Variants in P2RX3 observed in about 807,000 individuals in gnomAD.
The protein encoded by P2RX3 is purinergic receptor P2X 3.
In P2RX3, 41 loss-of-function variants were observed where a neutral mutation model predicts 51.5. The ratio of observed to expected loss-of-function variants is 0.80; its 90% CI spans 0.62 to 1.03. P2RX3 has a LOEUF of 1.03. Ranked by LOEUF, P2RX3 falls within the 50% of genes least tolerant of loss-of-function variation. The probability of loss-of-function intolerance (pLI) is 0.00; values close to 1 mark genes in which losing one functional copy is unlikely to be tolerated. For missense variants in P2RX3, 459 were observed against 522.1 expected (o/e 0.88, Z 1.18); for synonymous variants, 185 against 191.6 (o/e 0.97, Z 0.29).
chr11:57,337,120 C>A (rs111969336), upstream of P2RX3, among the ~76,000 whole-genome samples: 1 of 151,466 alleles, frequency 6.6e-6, no homozygotes, highest in South Asian at 2.1e-4. Flanking sequence ...GGTGAAGCCC[C>A]GTCTCTATTA....
At chr11:57,337,924 T>G (rs1057319572), upstream of P2RX3, among the ~76,000 whole-genome samples, 1 of 152,250 alleles carries the variant, frequency 6.6e-6, no homozygotes, top group Non-Finnish European at 1.5e-5. Context: ...GTTAGAAATA[T>G]GTGACTCTTT....
In P2RX3 at chr11:57,348,621, C is replaced by T; in HGVS notation, c.486-6C>T. The T allele has an allele frequency of 6.2e-6, 10 of 1,611,450 alleles. No homozygotes were observed. Among genetic ancestry groups the T allele is most frequent in the Non-Finnish European group, 8.5e-6 (10 of 1,177,688 alleles). ...GAAAGCTAAGGCCTCCTGTGCTCAC[C>T]CACAGGCCCATCATGATGGAAGCTG... On this transcript the variant is annotated splice_polypyrimidine_tract_variant and splice_region_variant and intron_variant, in intron 5 of 11. Coordinates refer to ENST00000263314, the MANE Select transcript of P2RX3 (RefSeq NM_002559.5).
chr11:57,367,073 C>CAAAACTGCTCTATAAATG lies in P2RX3; in HGVS notation c.843-935_843-918dup, dbSNP rs543592766. Among the ~76,000 whole-genome samples the CAAAACTGCTCTATAAATG allele has an allele frequency of 4.4e-3, 670 of 152,348 alleles. 4 individuals are homozygous for CAAAACTGCTCTATAAATG. Among genetic ancestry groups the CAAAACTGCTCTATAAATG allele is most frequent in the Non-Finnish European group, 6.9e-3 (469 of 68,036 alleles). On this transcript the variant is annotated intron_variant, in intron 8 of 11. Transcript: ENST00000263314. ...AGACGAATAGTCTGAAAGCACCTTT[C>CAAAACTGCTCTATAAATG]AAAACTGCTCTATAAATGTAAACAA...
At chr11:57,363,585 G>A (rs867921699) in intron 8 of P2RX3, among the ~76,000 whole-genome samples, 7 of 152,120 alleles carry the variant, frequency 4.6e-5, no homozygotes, top group Non-Finnish European at 8.8e-5. Context: ...CAAACCTCAC[G>A]GCCATTCATA....
At chr11:57,343,739 A>C (rs1350869973) in intron 1 of P2RX3, among the ~76,000 whole-genome samples, 2 of 152,200 alleles carry the variant, frequency 1.3e-5, no homozygotes. Flanking sequence ...AAATATGTCT[A>C]TTCTGTGGCT....
chr11:57,353,112 G>A (rs920009952), intron 8 of P2RX3, among the ~76,000 whole-genome samples: 1 of 152,202 alleles, frequency 6.6e-6, no homozygotes, highest in Non-Finnish European at 1.5e-5. Flanking sequence ...AAGAGCCCAC[G>A]TGTGGGAGGC....
chr11:57,350,679 C>T (rs1057206470), intron 7 of P2RX3, 83 bp from the exon 8 acceptor site: 15 of 1,553,566 alleles, frequency 9.7e-6, no homozygotes, highest in Middle Eastern at 2.0e-4. Flanking sequence ...TCATTTGTCA[C>T]CACCTCCACC....
chr11:57,348,307 G>A, intron 5 of P2RX3, 44 bp downstream of exon 5: 1 of 1,518,554 alleles, frequency 6.6e-7, no homozygotes, highest in Admixed American at 2.0e-5. Flanking sequence ...CCCCACCTCA[G>A]CTCCCCTTTG....
At chr11:57,339,835 C>T (rs895721235) in intron 1 of P2RX3, among the ~76,000 whole-genome samples, 14 of 152,140 alleles carry the variant, frequency 9.2e-5, no homozygotes, top group African/African-American at 2.4e-4. Context: ...GAAGTTTATG[C>T]GAGGGTGTGG....
chr11:57,368,304 T>C (rs1856828111), intron 9 of P2RX3, 68 bp from the exon 10 acceptor site: 1 of 1,556,534 alleles, frequency 6.4e-7, no homozygotes, highest in Non-Finnish European at 8.9e-7. Context: ...TGGCGCCACG[T>C]GCAGCCTCGG....
At chr11:57,344,890 G>C (rs1423948598) in intron 1 of P2RX3, among the ~76,000 whole-genome samples, 7 of 129,668 alleles carry the variant, frequency 5.4e-5, no homozygotes, top group Non-Finnish European at 1.2e-4. Context: ...CAAACTATAA[G>C]TGGCTGGGAC....
chr11:57,349,020 C>T (rs564162295), intron 6 of P2RX3, among the ~76,000 whole-genome samples: 1 of 152,326 alleles, frequency 6.6e-6, no homozygotes, highest in Non-Finnish European at 1.5e-5. Flanking sequence ...GAAACCCTTT[C>T]GGTCTCGTCC....
chr11:57,351,056 T>G (rs1016427719), intron 8 of P2RX3, among the ~76,000 whole-genome samples, 158 bp downstream of exon 8: 2 of 152,090 alleles, frequency 1.3e-5, no homozygotes, highest in African/African-American at 4.8e-5. Context: ...CTAACAGCCA[T>G]TAGGATCTAG....
rs1033067399 is a variant in P2RX3 at position 57,371,490 on chromosome 11, G to A, written c.*1493G>A. Among the ~76,000 whole-genome samples, 2 of 152,310 alleles carry A rather than the reference G, an allele frequency of 1.3e-5. No homozygotes were observed. Among genetic ancestry groups the A allele is most frequent in the East Asian group, 3.9e-4 (2 of 5,182 alleles). On this transcript the variant is annotated 3_prime_UTR_variant, in exon 12 of 12. Transcript: ENST00000263314. Reference sequence around the variant, plus strand: ...GATGGAGGGCGGCCCCTCAACACACGGCACAGGAAGTGGGGAAGGGACAGC... The same window carrying A: ...GATGGAGGGCGGCCCCTCAACACACAGCACAGGAAGTGGGGAAGGGACAGC...
chr11:57,347,572 G>T, intron 4 of P2RX3, 94 bp downstream of exon 4: 3 of 1,336,556 alleles, frequency 2.2e-6, no homozygotes, highest in Non-Finnish European at 3.1e-6. Flanking sequence ...GAACCAGCCT[G>T]TTCCATGTCA....
intron 8 of P2RX3, among the ~76,000 whole-genome samples, chr11:57,351,483 GGTTTT>G (rs368814950): frequency 0.019 from 2,817 of 152,244 alleles, 36 homozygotes; most frequent in Middle Eastern, 0.034. Context: ...GATCTTTTCG[GGTTTT>G]GTTTTGTTTT....
intron 6 of P2RX3, among the ~76,000 whole-genome samples, chr11:57,349,124 CT>C (rs1856496059): frequency 6.6e-6 from 1 of 152,136 alleles, no homozygotes; most frequent in Non-Finnish European, 1.5e-5. Context: ...TCCACAGCTA[CT>C]CAGTGGGCAT....
chr11:57,346,711 A>T, intron 2 of P2RX3, 32 bp downstream of exon 2: 1 of 1,609,960 alleles, frequency 6.2e-7, no homozygotes, highest in South Asian at 1.1e-5. Context: ...AGGCATGTGG[A>T]TGTCCAGACA....
Position 57,346,665 on chromosome 11 carries a change from G to A in P2RX3, c.241G>A (p.Val81Met), listed in dbSNP as rs776353099. ...CAGAGTCATGGATGTGTCTGATTAC[G>A]TGACGCCACCTCAGGTATGGTACCC... Reference protein sequence around the residue: ...ANRVMDVSDYVTPPQGTSVFV... With the variant: ...ANRVMDVSDYMTPPQGTSVFV... The change falls in exon 2 of 12, where the codon GTG becomes ATG. Residue 81 changes from valine to methionine, a missense_variant. By Grantham distance (21) the Val-to-Met change is conservative. Transcript: ENST00000263314. 18 of 1,613,846 alleles carry A rather than the reference G, an allele frequency of 1.1e-5. No homozygotes were observed. The highest frequency in any genetic ancestry group is 2.2e-5 in the East Asian group (1 of 44,892).
Sources: allele counts gnomAD v4.1 joint callset (sites outside exome capture counted in the v4.1 genomes callset), GRCh38; gene constraint gnomAD v4.1.1; transcripts MANE v1.5; gene names NCBI Gene and HGNC (gene_info 2026-07-23, HGNC 2026-07-21).